NT5DC1: variants seen among roughly 807,000 people sequenced by gnomAD.
NT5DC1 encodes the protein 5'-nucleotidase domain containing 1, also known as 5'-nucleotidase domain-containing protein 1.
In NT5DC1, 42 loss-of-function variants were observed where a neutral mutation model predicts 59.4. That is an observed-to-expected ratio of 0.71 (90% CI 0.55 to 0.92). NT5DC1 has a LOEUF of 0.92. NT5DC1 is among the 40% of genes least tolerant of loss of function. The pLI is 0.00. For synonymous variants in NT5DC1, 172 were observed against 188.1 expected, an observed-to-expected ratio of 0.91 and a Z score of 0.70; for missense variants, 501 against 537.1, an observed-to-expected ratio of 0.93 and a Z score of 0.66.
intron 6 of NT5DC1, among the ~76,000 whole-genome samples, chr6:116,217,749 T>A (rs1053568982): frequency 2.6e-5 from 4 of 152,170 alleles, no homozygotes; most frequent in African/African-American, 9.7e-5. Context: ...GAATACTTGC[T>A]CCATGCCAAG....
Position 116,232,934 on chromosome 6 carries a change from A to G in NT5DC1, c.803-4032A>G, listed in dbSNP as rs572355734. On this transcript the variant is annotated intron_variant, in intron 8 of 11. Transcript: ENST00000319550. ...TGATGGCTCCTCCATCTCTTTATCC[A>G]ACCTTCATTTGTTTCTTAACTTCAT... Among the ~76,000 whole-genome samples, 42 of 152,236 alleles carry G rather than the reference A, an allele frequency of 2.8e-4. No homozygotes were observed. The South Asian group carries it at 8.7e-3, about 32-fold the overall frequency.
At chr6:116,204,023 A>G (rs181558531) in intron 6 of NT5DC1, among the ~76,000 whole-genome samples, 14 of 151,316 alleles carry the variant, frequency 9.3e-5, no homozygotes, top group African/African-American at 3.4e-4. Context: ...AGACCCGCTG[A>G]AAAAAAACCC....
At position 116,214,535 on chromosome 6, in the gene NT5DC1, C is replaced by G. The variant is rs189777741; in HGVS notation, c.530-6519C>G. ...CTGAAGTAATTCTCAAAGTGTGGTT[C>G]TTGGACTGTCAGTTGACCTGAGAAA... On this transcript the variant is annotated intron_variant, in intron 6 of 11. Coordinates refer to ENST00000319550, the MANE Select transcript of NT5DC1 (RefSeq NM_152729.3). Among the ~76,000 whole-genome samples the G allele has an allele frequency of 3.3e-3, 499 of 152,158 alleles. 10 individuals carry two copies. The highest frequency in any genetic ancestry group is 1.0e-3 in the Non-Finnish European group (71 of 67,996).
At chr6:116,158,438 A>G (rs1347213936) in intron 6 of NT5DC1, among the ~76,000 whole-genome samples, 1 of 152,242 alleles carries the variant, frequency 6.6e-6, no homozygotes, top group African/African-American at 2.4e-5. Flanking sequence ...GAAGACAAGA[A>G]GATAAAAACT....
intron 8 of NT5DC1, 151 bp from the exon 9 acceptor site, chr6:116,236,815 C>T (rs1447767213): frequency 1.7e-6 from 1 of 598,694 alleles, no homozygotes. Flanking sequence ...CTATAAGGGC[C>T]TTATAATATG....
chr6:116,178,088 T>TGTGC (rs1491426656), intron 6 of NT5DC1, among the ~76,000 whole-genome samples: 13 of 99,664 alleles, frequency 1.3e-4, no homozygotes, highest in African/African-American at 4.7e-4. Flanking sequence ...TGTGTGTGTG[T>TGTGC]GCGCGCGCGC....
intron 6 of NT5DC1, among the ~76,000 whole-genome samples, chr6:116,157,633 C>T (rs1007846028): frequency 6.6e-6 from 1 of 152,016 alleles, no homozygotes; most frequent in Non-Finnish European, 1.5e-5. Flanking sequence ...TACATGAAAC[C>T]ACAAGAGAGG....
chr6:116,173,183 CT>C (rs1174085342), intron 6 of NT5DC1, among the ~76,000 whole-genome samples: 15 of 152,172 alleles, frequency 9.9e-5, no homozygotes, highest in African/African-American at 3.1e-4. Flanking sequence ...ACCACAGCCC[CT>C]GGCAGTGTTC....
chr6:116,193,451 C>G (rs1304001196), intron 6 of NT5DC1, among the ~76,000 whole-genome samples: 1 of 152,058 alleles, frequency 6.6e-6, no homozygotes, highest in Non-Finnish European at 1.5e-5. Flanking sequence ...TTGCAACTTG[C>G]TTGCTGTGTG....
chr6:116,118,031 T>C, intron 6 of NT5DC1, 86 bp downstream of exon 6: 2 of 764,604 alleles, frequency 2.6e-6, no homozygotes, highest in East Asian at 2.5e-5. Context: ...GGTACTTTGC[T>C]GTGTATCTTA....
rs1182559215 is a variant in NT5DC1 at position 116,118,988 on chromosome 6, C to T, written c.529+1043C>T. On this transcript the variant is annotated intron_variant, in intron 6 of 11. Coordinates refer to ENST00000319550, the MANE Select transcript of NT5DC1 (RefSeq NM_152729.3). ...AAAGCCTTGAAAGAATGGTTGAGAACAGCAAATTGCTGCTTTCAAATTAAT... is the reference window on the plus strand; with the variant it reads ...AAAGCCTTGAAAGAATGGTTGAGAATAGCAAATTGCTGCTTTCAAATTAAT... The T allele has an allele frequency of 1.3e-5, 2 of 152,528 alleles. No individual in the cohort carries two copies. The highest frequency in any genetic ancestry group is 2.9e-5 in the Non-Finnish European group (2 of 68,032). The allele number at this position is 152,528 out of a possible 1,614,324, so 9.4% of individuals were successfully genotyped here.
At chr6:116,154,103 C>T (rs1251152360) in intron 6 of NT5DC1, among the ~76,000 whole-genome samples, 2 of 144,112 alleles carry the variant, frequency 1.4e-5, no homozygotes, top group Non-Finnish European at 3.0e-5. Context: ...GATGTTAAAA[C>T]ATGGCTCTCA....
chr6:116,146,326 G>C (rs1297693702), intron 6 of NT5DC1, among the ~76,000 whole-genome samples: 1 of 152,194 alleles, frequency 6.6e-6, no homozygotes, highest in African/African-American at 2.4e-5. Flanking sequence ...GCGTCAACCT[G>C]TGATTTTTAG....
At chr6:116,172,583 G>A (rs1430185684) in intron 6 of NT5DC1, among the ~76,000 whole-genome samples, 1 of 152,032 alleles carries the variant, frequency 6.6e-6, no homozygotes, top group Admixed American at 6.6e-5. Flanking sequence ...GCCTCCCAAA[G>A]TGCTGGGATT....
intron 6 of NT5DC1, among the ~76,000 whole-genome samples, chr6:116,220,033 T>C (rs1367790825): frequency 6.7e-6 from 1 of 149,744 alleles, no homozygotes; most frequent in Non-Finnish European, 1.5e-5. Context: ...AACTGCCAAG[T>C]ATTTCAAGTG....
chr6:116,196,742 C>T (rs766939814), intron 6 of NT5DC1, among the ~76,000 whole-genome samples: 3 of 151,822 alleles, frequency 2.0e-5, no homozygotes, highest in Non-Finnish European at 2.9e-5. Context: ...CTTAACTCTG[C>T]GGTGTTGGGA....
intron 6 of NT5DC1, among the ~76,000 whole-genome samples, chr6:116,135,966 T>C (rs1016368859): frequency 6.6e-6 from 1 of 151,256 alleles, no homozygotes; most frequent in African/African-American, 2.4e-5. Flanking sequence ...CCTACTCTTT[T>C]AGCGTATTTT....
rs75859933 is a variant in NT5DC1, at chr6:116,150,247, C to G, written c.529+32302C>G. 4.9e-3 allele frequency among the ~76,000 whole-genome samples: 739 copies of G among 152,086 alleles called. 12 individuals carry two copies. The highest frequency in any genetic ancestry group is 0.043 in the South Asian group (207 of 4,814). On this transcript the variant is annotated intron_variant, in intron 6 of 11. Transcript: ENST00000319550. ...TGCTGAGGGAGCCCATGGCCACTGA[C>G]AGATCAGTTAAGAAAATGGTTTTTT...
In NT5DC1 at chr6:116,216,888, A is replaced by G. The variant is rs530852092; in HGVS notation, c.530-4166A>G. On this transcript the variant is annotated intron_variant, in intron 6 of 11. Transcript: ENST00000319550. ...TCATCGCTAGGCATTTTAGCTGTTC[A>G]CTAGCGTGCTCTTATATAACTTGTA... Among the ~76,000 whole-genome samples, 98 of 152,320 alleles carry G rather than the reference A, an allele frequency of 6.4e-4. 2 individuals are homozygous for G. Among genetic ancestry groups the G allele is most frequent in the African/African-American group, 2.3e-3 (97 of 41,582 alleles).
Sources: gnomAD v4.1 joint callset for allele counts (sites outside exome capture counted in the v4.1 genomes callset) on GRCh38, gnomAD v4.1.1 for gene constraint, MANE v1.5 for transcripts, NCBI Gene and HGNC (gene_info 2026-07-23, HGNC 2026-07-21) for gene names.